Variants in SLC5A2 observed in about 807,000 individuals in gnomAD.
SLC5A2 encodes the protein solute carrier family 5 member 2.
In SLC5A2, 67 loss-of-function variants were observed where a neutral mutation model predicts 69.0. The ratio of observed to expected loss-of-function variants is 0.97; its 90% CI spans 0.80 to 1.19. The LOEUF is 1.19. Among genes scored for constraint, SLC5A2 ranks in the 50% most tolerant of loss-of-function variants. The pLI is 0.00. For missense variants in SLC5A2, 1,001 were observed against 921.5 expected, an observed-to-expected ratio of 1.09 and a Z score of -1.12; for synonymous variants, 455 against 395.8, an observed-to-expected ratio of 1.15 and a Z score of -1.78.
At position 31,490,443 on chromosome 16, in the gene SLC5A2, A is replaced by G. The variant is rs774466733; in HGVS notation, c.1927A>G (p.Ile643Val). ...GGCAGCAGCCAGGCGGCTGGAGGAC[A>G]TCAGCGAGGACCCGAGCTGGGCCCG... ...AAAAARRLEDISEDPSWARVV... is the reference protein window; with the variant it reads ...AAAAARRLEDVSEDPSWARVV... Residue 643 changes from isoleucine (I) to valine (V), a missense_variant, in exon 14 of 14, where the codon ATC becomes GTC. Physicochemically the swap from Ile to Val is conservative, Grantham distance 29. Transcript: ENST00000330498. The G allele has an allele frequency of 6.2e-7, 1 of 1,613,960 alleles. No individual in the cohort carries two copies. The highest frequency in any genetic ancestry group is 1.7e-5 in the Admixed American group (1 of 59,998).
chr16:31,486,134 C>T (rs781235881), intron 4 of SLC5A2, 36 bp from the exon 5 acceptor site: 1 of 1,520,684 alleles, frequency 6.6e-7, no homozygotes, highest in Non-Finnish European at 9.1e-7. Flanking sequence ...GGGACACTGC[C>T]CTGGGTCCTG....
Position 31,484,654 on chromosome 16 carries a change from C to T in SLC5A2, c.127-19C>T. The T allele has an allele frequency of 1.2e-6, 2 of 1,604,364 alleles. No homozygotes were observed. The stretch of plus-strand genomic sequence containing the variant: ...AGGCTGTGCCCTAAACCCAGGTCTC[C>T]CCCGCCTCTGTCTCCCAGTCCATGT... On this transcript the variant is annotated intron_variant, in intron 1 of 13. Transcript: ENST00000330498.
chr16:31,485,931 G>A, intron 4 of SLC5A2, 38 bp downstream of exon 4: 1 of 1,610,792 alleles, frequency 6.2e-7, no homozygotes, highest in South Asian at 1.1e-5. Context: ...GCCCTAGAAG[G>A]GTGGGGCTCA....
At chr16:31,489,540 A>T (rs959979097) in intron 12 of SLC5A2, 1 of 623,494 alleles carries the variant, frequency 1.6e-6, no homozygotes, top group Non-Finnish European at 2.9e-6. Flanking sequence ...CTTGATGTTG[A>T]TGGGTTGGTG....
In SLC5A2 at chr16:31,485,562, C is replaced by A. The variant is rs1274033385; in HGVS notation, c.304-167C>A. 8.2e-6 allele frequency: 6 copies of A among 735,908 alleles called. No homozygotes were observed. In the African/African-American group the frequency reaches 8.8e-5, roughly 11 times the overall value. 45.6% of individuals were successfully genotyped at this position (735,908 alleles called of 1,614,324 possible). On this transcript the variant is annotated intron_variant, in intron 3 of 13. Coordinates refer to ENST00000330498, the MANE Select transcript of SLC5A2 (RefSeq NM_003041.4). ...TTAAGAGCCCAGGAGGGTGTCAGCT[C>A]TGTTCCTTGGTGCCCAGGGCCCCGG...
chr16:31,490,035 G>A (rs375719916), intron 12 of SLC5A2, 69 bp from the exon 13 acceptor site: 1 of 1,604,954 alleles, frequency 6.2e-7, no homozygotes, highest in African/African-American at 1.3e-5. Context: ...GAGCTGGTGT[G>A]CAAGAGACTT....
At chr16:31,484,990 G>A (rs2082484746) in intron 3 of SLC5A2, 67 bp downstream of exon 3, 3 of 1,383,048 alleles carry the variant, frequency 2.2e-6, no homozygotes, top group Admixed American at 1.9e-5. Flanking sequence ...ACACCTTGGG[G>A]AAACTCCAGG....
chr16:31,486,775 A>T (rs1462965718), intron 5 of SLC5A2, among the ~76,000 whole-genome samples: 2 of 152,128 alleles, frequency 1.3e-5, no homozygotes, highest in Non-Finnish European at 2.9e-5. Context: ...GCCGGCTGGG[A>T]GCGGCTCACG....
chr16:31,487,666 C>T lies in SLC5A2; in HGVS notation c.792C>T (p.His264=), dbSNP rs752356451. 1.7e-5 allele frequency: 27 copies of T among 1,613,766 alleles called. No individual in the cohort carries two copies. The highest frequency in any genetic ancestry group is 2.3e-5 in the Non-Finnish European group (27 of 1,179,998). Residue 264 remains histidine (H), a synonymous_variant, in exon 7 of 14, where the codon CAC becomes CAT. Coordinates refer to ENST00000330498, the MANE Select transcript of SLC5A2 (RefSeq NM_003041.4). ...ATCGACCCCGGCCCGACTCCTACCACCTGCTCCGGCACCCCGTGACCGGGG... is the reference window on the plus strand; with the variant it reads ...ATCGACCCCGGCCCGACTCCTACCATCTGCTCCGGCACCCCGTGACCGGGG... The part of the protein sequence containing the change: ...FCYRPRPDSY[H]LLRHPVTGDL...
chr16:31,488,800 A>T, intron 10 of SLC5A2, 28 bp downstream of exon 10: 1 of 1,600,526 alleles, frequency 6.2e-7, no homozygotes, highest in Non-Finnish European at 8.5e-7. Context: ...CTCCTCCCCA[A>T]CGGATCAGCC....
Position 31,490,196 on chromosome 16 carries a change from G to C in SLC5A2, c.1758G>C (p.Gln586His). The change falls in exon 13 of 14, where the codon CAG becomes CAC. Residue 586 changes from glutamine to histidine, a missense_variant. Transcript: ENST00000330498. Reference protein sequence around the residue: ...DEQQGSSLPVQNGCPESAMEM... With the variant: ...DEQQGSSLPVHNGCPESAMEM... ...AGCAAGGCTCCTCACTCCCTGTACA[G>C]AATGGGTGCCCAGAGAGTGCCATGG... is the stretch of plus-strand genomic sequence containing the variant. The C allele has an allele frequency of 6.2e-7, 1 of 1,614,196 alleles. No homozygotes were observed. Among genetic ancestry groups the C allele is most frequent in the Non-Finnish European group, 8.5e-7 (1 of 1,180,020 alleles).
rs762024581 is a variant in SLC5A2 at position 31,488,711 on chromosome 16, A to G, written c.1219A>G (p.Met407Val). ...CAACAGCAGCAGCACGCTCTTCACC[A>G]TGGACATCTACACGCGCCTGCGGCC... ...IFNSSSTLFT[M>V]DIYTRLRPRA... The change falls in exon 10 of 14, where the codon ATG (methionine) becomes GTG (valine). Residue 407 changes from methionine (M) to valine (V), a missense_variant. Physicochemically the swap from Met to Val is conservative, Grantham distance 21. Coordinates refer to ENST00000330498, the MANE Select transcript of SLC5A2 (RefSeq NM_003041.4). 3 of 1,612,614 alleles carry G rather than the reference A, an allele frequency of 1.9e-6. No homozygotes were observed. Among genetic ancestry groups the G allele is most frequent in the Non-Finnish European group, 2.5e-6 (3 of 1,179,502 alleles).
intron 7 of SLC5A2, 110 bp from the exon 8 acceptor site, chr16:31,487,928 A>T: frequency 6.6e-7 from 1 of 1,526,084 alleles, no homozygotes; most frequent in South Asian, 1.1e-5. Flanking sequence ...CCAAGCGTGC[A>T]GCTGAACTTG....
At position 31,489,281 on chromosome 16, in the gene SLC5A2, C is replaced by T. The variant is rs750209807; in HGVS notation, c.1608C>T (p.Cys536=). 6.2e-7 allele frequency: 1 copy of T among 1,610,834 alleles called. No individual in the cohort carries two copies. Among genetic ancestry groups the T allele is most frequent in the Non-Finnish European group, 8.5e-7 (1 of 1,180,016 alleles). The change falls in exon 12 of 14, where the codon TGC becomes TGT. Residue 536 remains cysteine, a synonymous_variant. Transcript: ENST00000330498. The part of the protein sequence containing the change: ...YLYFAIVLFF[C]SGLLTLTVSL... ...ACTTCGCCATTGTGCTGTTCTTCTG[C>T]TCTGGCCTCCTCACCCTCACGGTCT... is the stretch of plus-strand genomic sequence containing the variant.
In SLC5A2 at chr16:31,490,687, C is replaced by A; in HGVS notation, c.*152C>A. ...TTCCTCTGCCTGGGGCCCACTGCAT[C>A]TGATTGGCAGTCACTTCCCATGAGG... On this transcript the variant is annotated 3_prime_UTR_variant, in exon 14 of 14. Transcript: ENST00000330498. 9.1e-7 allele frequency: 1 copy of A among 1,104,278 alleles called. No individual in the cohort carries two copies. Among genetic ancestry groups the A allele is most frequent in the Non-Finnish European group, 1.4e-6 (1 of 739,234 alleles). 68.4% of individuals were successfully genotyped at this position (1,104,278 alleles called of 1,614,324 possible). A position where few individuals can be genotyped will look rare whatever the true frequency, so the allele number is the denominator to read the frequency against.
Position 31,488,680 on chromosome 16 carries a change from C to T in SLC5A2, c.1188C>T (p.Ser396=). The T allele has an allele frequency of 6.2e-7, 1 of 1,612,748 alleles. No individual in the cohort carries two copies. The highest frequency in any genetic ancestry group is 8.5e-7 in the Non-Finnish European group (1 of 1,179,606). ...MLAALMSSLA[S]IFNSSSTLFT... Reference sequence around the variant, plus strand: ...CCGCGCTCATGTCCTCGCTGGCCTCCATCTTCAACAGCAGCAGCACGCTCT... The same window carrying T: ...CCGCGCTCATGTCCTCGCTGGCCTCTATCTTCAACAGCAGCAGCACGCTCT... The change falls in exon 10 of 14, where the codon TCC becomes TCT. Residue 396 remains serine (S), a synonymous_variant. Coordinates refer to ENST00000330498, the MANE Select transcript of SLC5A2 (RefSeq NM_003041.4).
intron 4 of SLC5A2, 65 bp downstream of exon 4, chr16:31,485,958 A>C (rs1414521647): frequency 1.3e-6 from 2 of 1,578,210 alleles, no homozygotes; most frequent in African/African-American, 2.7e-5. Context: ...GTCTCTAGAG[A>C]ACCCTAGAGG....
chr16:31,487,824 C>A, intron 7 of SLC5A2, 65 bp downstream of exon 7: 2 of 1,495,248 alleles, frequency 1.3e-6, no homozygotes, highest in South Asian at 1.2e-5. Flanking sequence ...GAGCCTGAGT[C>A]CCTCCCCGCC....
In SLC5A2 at chr16:31,487,565, G is replaced by A. The variant is rs992653974; in HGVS notation, c.691G>A (p.Asp231Asn). Residue 231 changes from aspartate to asparagine, a missense_variant, in exon 7 of 14, where the codon GAC becomes AAC. Physicochemically the swap from Asp to Asn is conservative, Grantham distance 23. Coordinates refer to ENST00000330498, the MANE Select transcript of SLC5A2 (RefSeq NM_003041.4). ...GGTGGGCGGGTATTCGGGTCTCTTC[G>A]ACAAATACCTGGGAGCAGCGACTTC... Reference protein sequence around the residue: ...HEVGGYSGLFDKYLGAATSLT... With the variant: ...HEVGGYSGLFNKYLGAATSLT... 16 of 1,613,872 alleles carry A rather than the reference G, an allele frequency of 9.9e-6. No homozygotes were observed. Among genetic ancestry groups the A allele is most frequent in the Admixed American group, 1.7e-5 (1 of 60,028 alleles).
Sources: gnomAD v4.1 joint callset for allele counts (sites outside exome capture counted in the v4.1 genomes callset) on GRCh38, gnomAD v4.1.1 for gene constraint, MANE v1.5 for transcripts, NCBI Gene and HGNC (gene_info 2026-07-23, HGNC 2026-07-21) for gene names.